Variants in PTGER4 observed in about 807,000 individuals in gnomAD.
The protein encoded by PTGER4 is prostaglandin E receptor 4.
A neutral mutation model predicts 33.2 loss-of-function variants in PTGER4; 11 were observed. The ratio of observed to expected loss-of-function variants is 0.33; its 90% CI spans 0.21 to 0.55. PTGER4 has a LOEUF of 0.55. Among genes scored for constraint, PTGER4 ranks in the 20% least tolerant of loss-of-function variants. PTGER4 has a pLI of 0.92. For missense variants in PTGER4, 481 were observed against 650.2 expected (o/e 0.74, Z 2.83); for synonymous variants, 275 against 281.5 (o/e 0.98, Z 0.23).
At chr5:40,688,263 C>G (rs2111803740) in intron 2 of PTGER4, among the ~76,000 whole-genome samples, 1 of 152,212 alleles carries the variant, frequency 6.6e-6, no homozygotes, top group African/African-American at 2.4e-5. Context: ...CTGCGAGTCT[C>G]GGAGATGGCT....
chr5:40,681,195 G>A lies in PTGER4; in HGVS notation c.202G>A (p.Gly68Ser), dbSNP rs936832275. 3 of 1,614,112 alleles carry A rather than the reference G, an allele frequency of 1.9e-6. No homozygotes were observed. Among genetic ancestry groups the A allele is most frequent in the Non-Finnish European group, 1.7e-6 (2 of 1,180,022 alleles). The change falls in exon 2 of 3, where the codon GGC becomes AGC. Residue 68 changes from glycine (G) to serine (S), a missense_variant. Around this residue, in one of 7 missense-constraint regions of PTGER4, gnomAD observed 61 missense variants for 145.2 expected, o/e 0.42. Transcript: ENST00000302472. The surrounding 1 kb of genome is among the most constrained non-coding windows in gnomAD (Gnocchi z 9.8). ...TGGGCTGGCTGTCACCGACCTGTTGGGCACTTTGTTGGTGAGCCCGGTGAC... is the reference window on the plus strand; with the variant it reads ...TGGGCTGGCTGTCACCGACCTGTTGAGCACTTTGTTGGTGAGCCCGGTGAC... ...VCGLAVTDLL[G>S]TLLVSPVTIA...
the PTGER4 span, among the ~76,000 whole-genome samples, chr5:40,717,839 G>A: frequency 6.6e-5 from 10 of 151,954 alleles, no homozygotes; most frequent in East Asian, 5.8e-4. Flanking sequence ...CAAGGCAGGC[G>A]GATCACCTGA....
chr5:40,694,547 G>GACTT (rs1481078185), downstream of PTGER4, among the ~76,000 whole-genome samples: 1 of 152,162 alleles, frequency 6.6e-6, no homozygotes, highest in Non-Finnish European at 1.5e-5. Flanking sequence ...CCCTCTCCTT[G>GACTT]ACTTGCAGAT....
In PTGER4 at chr5:40,691,213, C is replaced by T. The variant is rs964571261; in HGVS notation, c.868-566C>T. On this transcript the variant is annotated intron_variant, in intron 2 of 2. Coordinates refer to ENST00000302472, the MANE Select transcript of PTGER4 (RefSeq NM_000958.3). This position sits in a 1 kb window ranked among gnomAD's most constrained non-coding sequence, Gnocchi z 4.2. ...TTTTTGTTTTTTTGAGACGGAGTCT[C>T]GCTCTGTCGCCAGGCTGGAGTGCAG... 2.0e-5 allele frequency among the ~76,000 whole-genome samples: 3 copies of T among 151,422 alleles called. No homozygotes were observed. Among genetic ancestry groups the T allele is most frequent in the African/African-American group, 4.9e-5 (2 of 41,200 alleles).
chr5:40,713,559 G>A, the PTGER4 span, among the ~76,000 whole-genome samples: 1 of 152,046 alleles, frequency 6.6e-6, no homozygotes, highest in Non-Finnish European at 1.5e-5. Flanking sequence ...TTTATGTAGT[G>A]TCTGTTAATA....
the PTGER4 span, among the ~76,000 whole-genome samples, chr5:40,722,745 T>C: frequency 2.7e-5 from 4 of 149,292 alleles, no homozygotes; most frequent in East Asian, 8.0e-4. Flanking sequence ...GGGCAGCCCC[T>C]GCCCGGCCAG....
At chr5:40,738,444 A>AATACAATACAATACAATAC in the PTGER4 span, among the ~76,000 whole-genome samples, 1 of 83,646 alleles carries the variant, frequency 1.2e-5, no homozygotes, top group Non-Finnish European at 2.3e-5. Context: ...ATATAAAATA[A>AATACAATACAATACAATAC]AATACAATAC....
chr5:40,685,660 T>A (rs550073227), intron 2 of PTGER4, among the ~76,000 whole-genome samples: 1 of 152,318 alleles, frequency 6.6e-6, no homozygotes, highest in African/African-American at 2.4e-5. Context: ...ATCTGGCATT[T>A]CATTTGAATC....
chr5:40,681,607 T>C lies in PTGER4; in HGVS notation c.614T>C (p.Leu205Pro). The change falls in exon 2 of 3, where the codon CTT becomes CCT. Residue 205 changes from leucine (L) to proline (P), a missense_variant. Around this residue, in one of 7 missense-constraint regions of PTGER4, gnomAD observed 174 missense variants for 210.5 expected, o/e 0.83. Transcript: ENST00000302472. The surrounding 1 kb of genome is among the most constrained non-coding windows in gnomAD (Gnocchi z 9.8). Reference sequence around the variant, plus strand: ...CTCGCCACCGTCCTCTGCAACGTGCTTGTGTGCGGCGCGCTGCTCCGCATG... The same window carrying C: ...CTCGCCACCGTCCTCTGCAACGTGCCTGTGTGCGGCGCGCTGCTCCGCATG... ...LILATVLCNV[L>P]VCGALLRMHR... 6.2e-7 allele frequency: 1 copy of C among 1,607,412 alleles called. No homozygotes were observed. The highest frequency in any genetic ancestry group is 8.5e-7 in the Non-Finnish European group (1 of 1,179,932).
At chr5:40,701,904 A>G in the PTGER4 span, among the ~76,000 whole-genome samples, 4 of 152,212 alleles carry the variant, frequency 2.6e-5, no homozygotes, top group Non-Finnish European at 5.9e-5. Context: ...AAAATCTTCA[A>G]CCAAGAATTT....
At chr5:40,702,563 T>C in the PTGER4 span, among the ~76,000 whole-genome samples, 1 of 152,156 alleles carries the variant, frequency 6.6e-6, no homozygotes, top group Non-Finnish European at 1.5e-5. Flanking sequence ...ACAATAATAG[T>C]GAGAGACTTC....
the PTGER4 span, among the ~76,000 whole-genome samples, chr5:40,742,992 G>C: frequency 4.1e-3 from 630 of 152,314 alleles, 3 homozygotes; most frequent in African/African-American, 0.015. Context: ...TCTAAGAGCT[G>C]AAGACACTAT....
At chr5:40,711,098 T>G in the PTGER4 span, among the ~76,000 whole-genome samples, 1 of 151,674 alleles carries the variant, frequency 6.6e-6, no homozygotes, top group Non-Finnish European at 1.5e-5. Context: ...TATATATATA[T>G]AGAAAACAAA....
Position 40,692,940 on chromosome 5 carries a change from G to A in PTGER4, c.*562G>A. The A allele has an allele frequency of 2.1e-6, 2 of 969,990 alleles. No individual in the cohort carries two copies. Among genetic ancestry groups the A allele is most frequent in the South Asian group, 9.5e-5 (2 of 20,946 alleles). 60.1% of individuals were successfully genotyped at this position (969,990 alleles called of 1,614,324 possible). A position where few individuals can be genotyped will look rare whatever the true frequency, so the allele number is the denominator to read the frequency against. On this transcript the variant is annotated 3_prime_UTR_variant, in exon 3 of 3. Coordinates refer to ENST00000302472, the MANE Select transcript of PTGER4 (RefSeq NM_000958.3). The stretch of plus-strand genomic sequence containing the variant: ...CCTTCCAGTATAACCAGCTGAAGTT[G>A]CAGATGTTAGATATTTTTCATAAAC...
the PTGER4 span, chr5:40,716,482 T>G: frequency 1.2e-5 from 19 of 1,588,370 alleles, no homozygotes; most frequent in Non-Finnish European, 1.4e-5. Flanking sequence ...AAGGGCTACT[T>G]GAAAACTTCG....
the PTGER4 span, among the ~76,000 whole-genome samples, chr5:40,704,574 A>T: frequency 6.6e-6 from 1 of 152,214 alleles, no homozygotes; most frequent in Non-Finnish European, 1.5e-5. Flanking sequence ...ATACCTAGAA[A>T]ACCCCATAGT....
the PTGER4 span, among the ~76,000 whole-genome samples, chr5:40,713,632 G>C: frequency 6.6e-6 from 1 of 152,108 alleles, no homozygotes; most frequent in Non-Finnish European, 1.5e-5. Context: ...TATGATTCTT[G>C]TGTTATCAGG....
rs1323616288 is a variant in PTGER4 at position 40,680,107 on chromosome 5, T to C, written c.-415T>C. ...GGCTGGGGCGGAGGGCAGCCAGAGC[T>C]GGGGACCAAGGCTCCGCGCCACCTG... is the stretch of plus-strand genomic sequence containing the variant. On this transcript the variant is annotated 5_prime_UTR_variant, in exon 1 of 3. Transcript: ENST00000302472. The surrounding 1 kb of genome is among the most constrained non-coding windows in gnomAD (Gnocchi z 5.5). 6.6e-6 allele frequency: 1 copy of C among 152,368 alleles called. No homozygotes were observed. Among genetic ancestry groups the C allele is most frequent in the East Asian group, 1.9e-4 (1 of 5,206 alleles). 9.4% of individuals were successfully genotyped at this position (152,368 alleles called of 1,614,324 possible).
the PTGER4 span, among the ~76,000 whole-genome samples, chr5:40,722,243 T>A: frequency 5.1e-3 from 778 of 151,738 alleles, no homozygotes; most frequent in Middle Eastern, 0.017. Flanking sequence ...CCAGGCGTGA[T>A]CTCGGCTCGC....
Sources: gnomAD v4.1 joint callset for allele counts (sites outside exome capture counted in the v4.1 genomes callset) on GRCh38, gnomAD v4.1.1 for gene constraint, gnomAD v4.1.1 regional missense constraint, Gnocchi (gnomAD v3.1) non-coding constraint, MANE v1.5 for transcripts, NCBI Gene and HGNC (gene_info 2026-07-23, HGNC 2026-07-21) for gene names.